Variants in ARL6IP1 observed in about 807,000 individuals in gnomAD.
The protein encoded by ARL6IP1 is ARL6 interacting reticulophagy regulator 1, also known as ADP-ribosylation factor-like protein 6-interacting protein 1.
A neutral mutation model predicts 30.1 loss-of-function variants in ARL6IP1; 16 were observed. The ratio of observed to expected loss-of-function variants is 0.53; its 90% confidence interval spans 0.36 to 0.81. The LOEUF is 0.81. ARL6IP1 is among the 30% of genes least tolerant of loss of function. ARL6IP1 has a pLI of 0.01. For synonymous variants in ARL6IP1, 72 were observed against 84.8 expected (o/e 0.85, Z 0.83); for missense variants, 173 against 242.7 (o/e 0.71, Z 1.91).
intron 1 of ARL6IP1, 33 bp from the exon 2 acceptor site, chr16:18,798,867 T>C (rs772234154): frequency 4.4e-6 from 7 of 1,591,434 alleles, no homozygotes; most frequent in Non-Finnish European, 1.7e-6. Context: ...GTGATCATTT[T>C]ACCACTCTCA....
intron 3 of ARL6IP1, among the ~76,000 whole-genome samples, chr16:18,795,872 A>C (rs2030216623): frequency 6.6e-6 from 1 of 152,158 alleles, no homozygotes; most frequent in African/African-American, 2.4e-5. Flanking sequence ...TGGTAGTAAA[A>C]GACTCATGAC....
chr16:18,793,186 A>G lies in ARL6IP1; in HGVS notation c.*66T>C. 1.0e-6 allele frequency: 1 copy of G among 990,278 alleles called. No individual in the cohort carries two copies. The highest frequency in any genetic ancestry group is 1.6e-6 in the Non-Finnish European group (1 of 640,874). The allele number at this position is 990,278 out of a possible 1,614,324, so 61.3% of individuals were successfully genotyped here. On this transcript the variant is annotated 3_prime_UTR_variant, in exon 6 of 6. Transcript: ENST00000304414. The stretch of plus-strand genomic sequence containing the variant: ...TTCCGTAACATTTTAGTATCCAGAT[A>G]GTACAGCAGAAACGGTTCCCGGGGC...
At chr16:18,799,659 G>GA (rs1224610151) in intron 1 of ARL6IP1, among the ~76,000 whole-genome samples, 1 of 152,084 alleles carries the variant, frequency 6.6e-6, no homozygotes, top group African/African-American at 2.4e-5. Context: ...TTGTGTAATG[G>GA]AATCACTCAG....
At chr16:18,798,860 A>G (rs779182575) in intron 1 of ARL6IP1, 26 bp from the exon 2 acceptor site, 4 of 1,602,806 alleles carry the variant, frequency 2.5e-6, no homozygotes, top group Non-Finnish European at 8.5e-7. Context: ...ATTTAAAGTG[A>G]TCATTTTACC....
intron 1 of ARL6IP1, among the ~76,000 whole-genome samples, chr16:18,800,323 A>G (rs1247657981): frequency 6.6e-6 from 1 of 152,160 alleles, no homozygotes; most frequent in Non-Finnish European, 1.5e-5. Flanking sequence ...CATCCAAGAA[A>G]TCCACGACCA....
rs2030414825 is a variant in ARL6IP1, at chr16:18,801,541, C to T, written c.-75G>A. ...CCTCCAACCGAAACCCGCACACCAACCACAACCCGAGGGAACGCCCCGCAG... is the reference window on the plus strand; with the variant it reads ...CCTCCAACCGAAACCCGCACACCAATCACAACCCGAGGGAACGCCCCGCAG... On this transcript the variant is annotated 5_prime_UTR_variant, in exon 1 of 6. Transcript: ENST00000304414. 6.3e-7 allele frequency: 1 copy of T among 1,575,542 alleles called. No individual in the cohort carries two copies. Among genetic ancestry groups the T allele is most frequent in the Non-Finnish European group, 8.6e-7 (1 of 1,160,712 alleles).
chr16:18,798,785 A>G lies in ARL6IP1; in HGVS notation c.86T>C (p.Val29Ala). ...LEEQLQGWGE[V>A]MLMADKVLRW... ...GAGGACTTTATCAGCCATCAGCATC[A>G]CTTCTCCCCATCCTTGCAGCTGTTC... Residue 29 changes from valine to alanine, a missense_variant, in exon 2 of 6, where the codon GTG (valine) becomes GCG (alanine). Physicochemically the swap from Val to Ala is moderately conservative, Grantham distance 64. Transcript: ENST00000304414. 2 of 1,614,170 alleles carry G rather than the reference A, an allele frequency of 1.2e-6. No individual in the cohort carries two copies. The highest frequency in any genetic ancestry group is 1.7e-6 in the Non-Finnish European group (2 of 1,180,026).
chr16:18,795,477 T>C lies in ARL6IP1; in HGVS notation c.395A>G (p.Glu132Gly), dbSNP rs1555479524. The C allele has an allele frequency of 1.9e-6, 3 of 1,611,758 alleles. No individual in the cohort carries two copies. In the South Asian group the frequency reaches 3.3e-5, roughly 18 times the overall value. The change falls in exon 4 of 6, where the codon GAA becomes GGA. Residue 132 changes from glutamate (E) to glycine (G), a missense_variant. By Grantham distance (98) the Glu-to-Gly change is moderately conservative. Transcript: ENST00000304414. ...CAAAAAAAGTACCATCTTAGGTTTT[T>C]CTTCCTTTAGTGTGAAGAGGCGTTT... ...WWKRLFTLKE[E>G]KPKMYFMTMI...
intron 1 of ARL6IP1, chr16:18,801,204 GTGA>G: frequency 7.1e-7 from 1 of 1,412,090 alleles, no homozygotes; most frequent in Non-Finnish European, 9.2e-7. Context: ...CCTACTCGCG[GTGA>G]TGAATCACGC....
chr16:18,800,908 C>T (rs2030386886), intron 1 of ARL6IP1, among the ~76,000 whole-genome samples: 1 of 152,088 alleles, frequency 6.6e-6, no homozygotes, highest in East Asian at 1.9e-4. Context: ...TTCAGCTGGA[C>T]CCCGCTCCCG....
intron 1 of ARL6IP1, among the ~76,000 whole-genome samples, chr16:18,800,886 T>TC (rs1412648733): frequency 6.7e-6 from 1 of 150,096 alleles, no homozygotes; most frequent in East Asian, 2.0e-4. Context: ...CGCCAAGACA[T>TC]CCCATTGTCT....
At chr16:18,794,470 A>G in intron 5 of ARL6IP1, 129 bp downstream of exon 5, 1 of 603,106 alleles carries the variant, frequency 1.7e-6, no homozygotes. Context: ...AGACCATAAT[A>G]ATCTTTCCAT....
chr16:18,794,382 A>C (rs78436134), intron 5 of ARL6IP1, among the ~76,000 whole-genome samples: 32 of 152,318 alleles, frequency 2.1e-4, no homozygotes, highest in African/African-American at 7.5e-4. Flanking sequence ...CTTCCACCTC[A>C]GAAAATAATC....
At position 18,793,200 on chromosome 16, in the gene ARL6IP1, G is replaced by T. The variant is rs1333594483; in HGVS notation, c.*52C>A. The T allele has an allele frequency of 8.2e-7, 1 of 1,213,144 alleles. No homozygotes were observed. The highest frequency in any genetic ancestry group is 1.2e-6 in the Non-Finnish European group (1 of 831,644). 75.1% of individuals were successfully genotyped at this position (1,213,144 alleles called of 1,614,324 possible). ...AGTATCCAGATAGTACAGCAGAAAC[G>T]GTTCCCGGGGCAATGGGTGCTGCAT... is the stretch of plus-strand genomic sequence containing the variant. On this transcript the variant is annotated 3_prime_UTR_variant, in exon 6 of 6. Transcript: ENST00000304414.
intron 2 of ARL6IP1, 146 bp downstream of exon 2, chr16:18,798,554 GA>G: frequency 1.2e-6 from 1 of 859,802 alleles, no homozygotes; most frequent in Non-Finnish European, 1.6e-6. Flanking sequence ...CTGGAAACTA[GA>G]AGTGCTTATG....
intron 4 of ARL6IP1, 53 bp from the exon 5 acceptor site, chr16:18,794,736 A>G (rs770312298): frequency 4.0e-6 from 5 of 1,259,748 alleles, no homozygotes; most frequent in Non-Finnish European, 5.7e-6. Context: ...CACCATAAAT[A>G]TATGTAATTT....
chr16:18,793,215 G>A lies in ARL6IP1; in HGVS notation c.*37C>T. ...CAGCAGAAACGGTTCCCGGGGCAAT[G>A]GGTGCTGCATTAATCACACTGATTA... is the stretch of plus-strand genomic sequence containing the variant. On this transcript the variant is annotated 3_prime_UTR_variant, in exon 6 of 6. Transcript: ENST00000304414. 1 of 1,381,394 alleles carries A rather than the reference G, an allele frequency of 7.2e-7. No homozygotes were observed. The highest frequency in any genetic ancestry group is 1.0e-6 in the Non-Finnish European group (1 of 981,474). The allele number at this position is 1,381,394 out of a possible 1,614,324, so 85.6% of individuals were successfully genotyped here.
chr16:18,801,208 T>C, intron 1 of ARL6IP1: 1 of 1,410,242 alleles, frequency 7.1e-7, no homozygotes, highest in East Asian at 2.7e-5. Context: ...CTCGCGGTGA[T>C]GAATCACGCG....
At chr16:18,796,419 A>G (rs1028787011) in intron 3 of ARL6IP1, among the ~76,000 whole-genome samples, 1 of 152,206 alleles carries the variant, frequency 6.6e-6, no homozygotes, top group African/African-American at 2.4e-5. Context: ...TTTCTTGCCC[A>G]TGGTCAAGGC....
Sources: gnomAD v4.1 joint callset for allele counts (sites outside exome capture counted in the v4.1 genomes callset) on GRCh38, gnomAD v4.1.1 for gene constraint, MANE v1.5 for transcripts, NCBI Gene and HGNC (gene_info 2026-07-23, HGNC 2026-07-21) for gene names.